CABP5: variants seen among roughly 807,000 people sequenced by gnomAD.
CABP5 encodes the protein calcium binding protein 5.
CABP5 carries 17 observed loss-of-function variants against 21.9 expected under a neutral mutation model. The observed-to-expected ratio is 0.78, with a 90% CI of 0.53 to 1.17. The LOEUF (loss-of-function observed/expected upper bound fraction) is 1.17. Among genes scored for constraint, CABP5 ranks in the 50% most tolerant of loss-of-function variants. The pLI is 0.00. For synonymous variants in CABP5, 85 were observed against 79.4 expected, an observed-to-expected ratio of 1.07 and a Z score of -0.37; for missense variants, 229 against 228.9, an observed-to-expected ratio of 1.00 and a Z score of 0.00.
At chr19:48,040,888 A>C (rs1967472994) in intron 2 of CABP5, 140 bp from the exon 3 acceptor site, 4 of 822,290 alleles carry the variant, frequency 4.9e-6, no homozygotes, top group Admixed American at 5.6e-5. Context: ...CAAAACAAAA[A>C]AACCAAGGCC....
At chr19:48,033,320 C>A (rs1967365404) in intron 5 of CABP5, among the ~76,000 whole-genome samples, 1 of 151,964 alleles carries the variant, frequency 6.6e-6, no homozygotes, top group African/African-American at 2.4e-5. Context: ...CCTTCCTATG[C>A]CTCACATAAA....
intron 5 of CABP5, among the ~76,000 whole-genome samples, chr19:48,032,335 T>G (rs1249640176): frequency 1.8e-3 from 3 of 1,694 alleles, no homozygotes; most frequent in African/African-American, 3.8e-3. Flanking sequence ...AATTTTGGAC[T>G]TTTTTTTTTT....
intron 5 of CABP5, among the ~76,000 whole-genome samples, chr19:48,032,158 T>C (rs1248652269): frequency 1.3e-5 from 2 of 151,792 alleles, no homozygotes; most frequent in African/African-American, 4.8e-5. Context: ...GACTGAAAGA[T>C]GTGGTAAGTG....
intron 4 of CABP5, among the ~76,000 whole-genome samples, chr19:48,036,529 G>A (rs917655129): frequency 6.6e-6 from 1 of 152,220 alleles, no homozygotes; most frequent in African/African-American, 2.4e-5. Flanking sequence ...CAGGGAAATG[G>A]GGAGATATTG....
intron 4 of CABP5, among the ~76,000 whole-genome samples, chr19:48,036,274 G>C (rs911386178): frequency 6.6e-6 from 1 of 152,174 alleles, no homozygotes; most frequent in African/African-American, 2.4e-5. Flanking sequence ...GGAGCAGCAA[G>C]CAAGACACTT....
In CABP5 at chr19:48,030,247, T is replaced by A. The variant is rs576067949; in HGVS notation, c.*310A>T. ...AGAGACTCTGGCAGGTCACAGGGAC[T>A]TAGGACTACGTGAAGTGAAAAGATG... On this transcript the variant is annotated 3_prime_UTR_variant, in exon 6 of 6. Transcript: ENST00000293255. 3 of 349,332 alleles carry A rather than the reference T, an allele frequency of 8.6e-6. No individual in the cohort carries two copies. Among genetic ancestry groups the A allele is most frequent in the African/African-American group, 6.4e-5 (3 of 47,240 alleles). The allele number at this position is 349,332 out of a possible 1,614,324, so 21.6% of individuals were successfully genotyped here. A position where few individuals can be genotyped will look rare whatever the true frequency, so the allele number is the denominator to read the frequency against.
chr19:48,030,397 T>G lies in CABP5; in HGVS notation c.*160A>C, dbSNP rs1967324431. The G allele has an allele frequency of 9.7e-6, 6 of 621,140 alleles. No individual in the cohort carries two copies. Among genetic ancestry groups the G allele is most frequent in the Non-Finnish European group, 1.7e-5 (6 of 358,416 alleles). 38.5% of individuals were successfully genotyped at this position (621,140 alleles called of 1,614,324 possible). ...CCCCATCCTGGCAAAGATACCGCTC[T>G]GGGTCTCACCCCATGCACAGCGCCG... On this transcript the variant is annotated 3_prime_UTR_variant, in exon 6 of 6. Coordinates refer to ENST00000293255, the MANE Select transcript of CABP5 (RefSeq NM_019855.5).
chr19:48,030,873 A>T (rs1967331708), intron 5 of CABP5, among the ~76,000 whole-genome samples: 1 of 152,080 alleles, frequency 6.6e-6, no homozygotes, highest in South Asian at 2.1e-4. Context: ...CACGCCTGTA[A>T]TCCCAGAACT....
At chr19:48,038,624 C>T (rs1469119488) in intron 4 of CABP5, among the ~76,000 whole-genome samples, 4 of 152,044 alleles carry the variant, frequency 2.6e-5, no homozygotes, top group African/African-American at 9.7e-5. Flanking sequence ...GTCAGGAGTT[C>T]GAGACCAGCC....
At chr19:48,035,943 C>T (rs767782898) in intron 4 of CABP5, among the ~76,000 whole-genome samples, 16 of 152,138 alleles carry the variant, frequency 1.1e-4, no homozygotes, top group Non-Finnish European at 1.6e-4. Context: ...AGAATGTGAG[C>T]ATGAAACCCT....
intron 4 of CABP5, 148 bp from the exon 5 acceptor site, chr19:48,034,510 G>T: frequency 3.8e-5 from 13 of 345,436 alleles, no homozygotes; most frequent in East Asian, 1.7e-4. Flanking sequence ...CCAAAAGACA[G>T]TTTTGTTCTG....
chr19:48,031,571 A>ACT (rs1276834379), intron 5 of CABP5, among the ~76,000 whole-genome samples: 1 of 152,024 alleles, frequency 6.6e-6, no homozygotes, highest in Non-Finnish European at 1.5e-5. Context: ...TGTGATTGTC[A>ACT]CTATGAGATT....
chr19:48,034,948 G>C (rs1437198039), intron 4 of CABP5, among the ~76,000 whole-genome samples: 1 of 152,004 alleles, frequency 6.6e-6, no homozygotes, highest in Admixed American at 6.6e-5. Context: ...AAAGTGCTAG[G>C]CTTACAGTCC....
intron 1 of CABP5, among the ~76,000 whole-genome samples, chr19:48,042,758 A>G (rs1967498145): frequency 6.6e-6 from 1 of 151,922 alleles, no homozygotes; most frequent in South Asian, 2.1e-4. Flanking sequence ...TATTTCTAAT[A>G]GAGACAGGGT....
chr19:48,038,202 A>G (rs1255367730), intron 4 of CABP5, among the ~76,000 whole-genome samples: 2 of 152,142 alleles, frequency 1.3e-5, no homozygotes, highest in Non-Finnish European at 2.9e-5. Flanking sequence ...GGTGTGAGCC[A>G]CTGAGCCCGG....
intron 1 of CABP5, among the ~76,000 whole-genome samples, chr19:48,043,542 T>TCAC (rs1967511198): frequency 1.6e-5 from 2 of 122,812 alleles, no homozygotes; most frequent in Non-Finnish European, 3.4e-5. Flanking sequence ...ACCACCATCA[T>TCAC]CACCACCATT....
chr19:48,034,908 C>T (rs1174684174), intron 4 of CABP5, among the ~76,000 whole-genome samples: 1 of 152,048 alleles, frequency 6.6e-6, no homozygotes, highest in East Asian at 1.9e-4. Context: ...AAAATCTTGG[C>T]CTTAAGCAAC....
Position 48,043,968 on chromosome 19 carries a change from C to T in CABP5, c.-46G>A. The T allele has an allele frequency of 1.4e-6, 2 of 1,476,320 alleles. No homozygotes were observed. Among genetic ancestry groups the T allele is most frequent in the Non-Finnish European group, 1.8e-6 (2 of 1,107,632 alleles). 91.5% of individuals were successfully genotyped at this position (1,476,320 alleles called of 1,614,324 possible). A position where few individuals can be genotyped will look rare whatever the true frequency, so the allele number is the denominator to read the frequency against. On this transcript the variant is annotated 5_prime_UTR_variant, in exon 1 of 6. Transcript: ENST00000293255. Reference sequence around the variant, plus strand: ...GCAGGGCACCAGTCTCAAGATGGCCCCTCCTCCCTGCTCCCTGTCGGAGCT... The same window carrying T: ...GCAGGGCACCAGTCTCAAGATGGCCTCTCCTCCCTGCTCCCTGTCGGAGCT...
intron 1 of CABP5, among the ~76,000 whole-genome samples, chr19:48,042,678 G>C (rs1024720349): frequency 6.6e-6 from 1 of 151,502 alleles, no homozygotes; most frequent in African/African-American, 2.4e-5. Context: ...GGGTTCAAGC[G>C]ATTCTCCTGC....
Sources: allele counts gnomAD v4.1 joint callset (sites outside exome capture counted in the v4.1 genomes callset), GRCh38; gene constraint gnomAD v4.1.1; transcripts MANE v1.5; gene names NCBI Gene and HGNC (gene_info 2026-07-23, HGNC 2026-07-21).